NRG1: variants seen among roughly 807,000 people sequenced by gnomAD.
The protein encoded by NRG1 is neuregulin 1.
A neutral mutation model predicts 63.8 loss-of-function variants in NRG1; 18 were observed. That is an observed-to-expected ratio of 0.28 (90% CI 0.19 to 0.42). The LOEUF (loss-of-function observed/expected upper bound fraction) is 0.42, where lower values mean the gene tolerates loss of function less well. Ranked by LOEUF, NRG1 falls within the 10% of genes least tolerant of loss-of-function variation. The pLI is 1.00. For missense variants in NRG1, 762 were observed against 814.7 expected (o/e 0.94, Z 0.79); for synonymous variants, 302 against 301.3 (o/e 1.00, Z -0.02).
chr8:31,660,606 A>G (rs1027505297), intron 1 of NRG1, among the ~76,000 whole-genome samples: 1 of 152,220 alleles, frequency 6.6e-6, no homozygotes, highest in East Asian at 1.9e-4. Context: ...ACTCCGGCTC[A>G]CCAGCCACTA....
At chr8:32,125,772 A>G (rs1833994329) in intron 1 of NRG1, among the ~76,000 whole-genome samples, 1 of 151,814 alleles carries the variant, frequency 6.6e-6, no homozygotes, top group African/African-American at 2.4e-5. Flanking sequence ...TCCTTTTTAC[A>G]ACTATTTCTC....
intron 1 of NRG1, among the ~76,000 whole-genome samples, chr8:32,150,779 G>A (rs1837417304): frequency 6.6e-6 from 1 of 152,092 alleles, no homozygotes; most frequent in African/African-American, 2.4e-5. Context: ...ACATGTTCAA[G>A]TAAAAGAGAA....
At chr8:32,126,930 G>A (rs891757603) in intron 1 of NRG1, among the ~76,000 whole-genome samples, 1 of 151,798 alleles carries the variant, frequency 6.6e-6, no homozygotes, top group Non-Finnish European at 1.5e-5. Context: ...TATGGACTAT[G>A]TCTCATATCT....
At chr8:32,550,977 G>T (rs1439210245) in intron 1 of NRG1, among the ~76,000 whole-genome samples, 1 of 152,180 alleles carries the variant, frequency 6.6e-6, no homozygotes, top group Non-Finnish European at 1.5e-5. Flanking sequence ...ATAAGAATAT[G>T]TATTCTTTAT....
At chr8:31,656,136 G>C (rs1012327874) in intron 1 of NRG1, among the ~76,000 whole-genome samples, 1 of 152,130 alleles carries the variant, frequency 6.6e-6, no homozygotes. Flanking sequence ...AGGGAAGGTG[G>C]GAGAGTGTAA....
At chr8:32,154,277 C>G (rs1415248416) in intron 1 of NRG1, among the ~76,000 whole-genome samples, 1 of 152,090 alleles carries the variant, frequency 6.6e-6, no homozygotes, top group Non-Finnish European at 1.5e-5. Context: ...TCCCCTTCCC[C>G]TTTTGCTCTC....
chr8:32,478,541 G>A lies in NRG1; in HGVS notation c.38-117287G>A, dbSNP rs374741850. Among the ~76,000 whole-genome samples the A allele has an allele frequency of 6.6e-5, 10 of 152,228 alleles. No individual in the cohort carries two copies. The East Asian group carries it at 1.4e-3, about 21-fold the overall frequency. ...AAGCCAAAAAGAAATACTCCCCAACGTTTAATAGAGATCATTGTATCCTAA... is the reference window on the plus strand; with the variant it reads ...AAGCCAAAAAGAAATACTCCCCAACATTTAATAGAGATCATTGTATCCTAA... On this transcript the variant is annotated intron_variant, in intron 1 of 10. Coordinates refer to the NRG1 transcript ENST00000519301.
intron 1 of NRG1, among the ~76,000 whole-genome samples, chr8:32,007,544 G>C (rs1813972174): frequency 6.6e-6 from 1 of 151,958 alleles, no homozygotes; most frequent in Admixed American, 6.6e-5. Context: ...GCTTGCCCAA[G>C]GTTACTCTTT....
intron 8 of NRG1, among the ~76,000 whole-genome samples, chr8:32,755,346 A>G (rs1374031560): frequency 1.3e-5 from 2 of 152,220 alleles, no homozygotes; most frequent in African/African-American, 4.8e-5. Flanking sequence ...TTGCCAAACC[A>G]TCCATGGGAA....
chr8:32,187,500 C>CA (rs1250935845), intron 1 of NRG1, among the ~76,000 whole-genome samples: 2 of 152,164 alleles, frequency 1.3e-5, no homozygotes, highest in Non-Finnish European at 2.9e-5. Context: ...GGACAAATGA[C>CA]AAAAGATGAT....
intron 1 of NRG1, among the ~76,000 whole-genome samples, chr8:32,174,645 G>A (rs1323670182): frequency 6.6e-6 from 1 of 151,840 alleles, no homozygotes; most frequent in Admixed American, 6.6e-5. Context: ...AATGATAAAG[G>A]GTATATCACC....
chr8:32,754,257 T>C, intron 7 of NRG1, 115 bp from the exon 8 acceptor site: 1 of 810,346 alleles, frequency 1.2e-6, no homozygotes, highest in Non-Finnish European at 2.1e-6. Context: ...AATTGTCATG[T>C]ATTTATTTTC....
chr8:31,899,692 T>A (rs961313373), intron 1 of NRG1, among the ~76,000 whole-genome samples: 3 of 152,164 alleles, frequency 2.0e-5, no homozygotes, highest in African/African-American at 7.2e-5. Context: ...TTTAAAAAAA[T>A]TCCAAGGTTA....
At chr8:32,550,577 T>A (rs1373660596) in intron 1 of NRG1, among the ~76,000 whole-genome samples, 1 of 152,138 alleles carries the variant, frequency 6.6e-6, no homozygotes, top group East Asian at 1.9e-4. Context: ...GTAATAGGTG[T>A]GCATTTTGTC....
intron 1 of NRG1, among the ~76,000 whole-genome samples, chr8:32,467,224 TTC>T (rs1342155092): frequency 6.6e-6 from 1 of 151,930 alleles, no homozygotes; most frequent in African/African-American, 2.4e-5. Context: ...CCTGAAATGG[TTC>T]TGTTTATTTT....
intron 1 of NRG1, among the ~76,000 whole-genome samples, chr8:32,303,561 T>C (rs1419097127): frequency 6.6e-6 from 1 of 152,216 alleles, no homozygotes; most frequent in African/African-American, 2.4e-5. Context: ...CCAGCACCGT[T>C]AGCAAAAGAA....
chr8:32,328,204 A>G (rs1363664044), intron 1 of NRG1, among the ~76,000 whole-genome samples: 3 of 152,132 alleles, frequency 2.0e-5, no homozygotes, highest in African/African-American at 7.2e-5. Context: ...TGTGTGACTC[A>G]GTGTTTTTAA....
intron 1 of NRG1, among the ~76,000 whole-genome samples, chr8:32,058,619 C>G (rs560948559): frequency 2.2e-4 from 33 of 151,858 alleles, no homozygotes; most frequent in Middle Eastern, 3.4e-3. Context: ...TGGTAGAGCA[C>G]TCAATAATTT....
At chr8:32,075,007 G>T (rs1056376601) in intron 1 of NRG1, among the ~76,000 whole-genome samples, 3 of 152,206 alleles carry the variant, frequency 2.0e-5, no homozygotes, top group Non-Finnish European at 4.4e-5. Flanking sequence ...TAGGCAGGAT[G>T]CCTCAGTTTC....
Sources: gnomAD v4.1 joint callset for allele counts (sites outside exome capture counted in the v4.1 genomes callset) on GRCh38, gnomAD v4.1.1 for gene constraint, MANE v1.5 for transcripts, NCBI Gene and HGNC (gene_info 2026-07-23, HGNC 2026-07-21) for gene names.